SPTBN1: variants seen among roughly 807,000 people sequenced by gnomAD.
SPTBN1 encodes the protein spectrin beta chain, non-erythrocytic 1.
SPTBN1 carries 32 observed loss-of-function variants against 266.4 expected under a neutral mutation model. The ratio of observed to expected loss-of-function variants is 0.12; its 90% confidence interval spans 0.09 to 0.16. The LOEUF (loss-of-function observed/expected upper bound fraction) is 0.16. SPTBN1 is among the 10% of genes least tolerant of loss of function. The pLI, the probability that SPTBN1 is intolerant of heterozygous loss-of-function variation, is 1.00. For missense variants in SPTBN1, 2,296 were observed against 3,067.1 expected, an observed-to-expected ratio of 0.75 and a Z score of 5.94; for synonymous variants, 1,336 against 1,162.2, an observed-to-expected ratio of 1.15 and a Z score of -3.04.
At chr2:54,659,571 C>T (rs1252395664) in intron 31 of SPTBN1, among the ~76,000 whole-genome samples, 1 of 150,986 alleles carries the variant, frequency 6.6e-6, no homozygotes, top group Non-Finnish European at 1.5e-5. Flanking sequence ...AGTGAACTGC[C>T]CAGATTTTAG....
At position 54,670,904 on chromosome 2, in the gene SPTBN1, C is replaced by T. The variant is rs1187275535; in HGVS notation, c.*2335C>T. 4 of 397,902 alleles carry T rather than the reference C, an allele frequency of 1.0e-5. No homozygotes were observed. Among genetic ancestry groups the T allele is most frequent in the Admixed American group, 4.4e-5 (1 of 22,688 alleles). 24.6% of individuals were successfully genotyped at this position (397,902 alleles called of 1,614,324 possible). On this transcript the variant is annotated 3_prime_UTR_variant, in exon 36 of 36. Coordinates refer to ENST00000356805, the MANE Select transcript of SPTBN1 (RefSeq NM_003128.3). ...GTGTTCGCCATCAGAGGTTACAGGC[C>T]GCACAGCCTGATGAGCTTCAAGCCT... is the stretch of plus-strand genomic sequence containing the variant.
intron 1 of SPTBN1, among the ~76,000 whole-genome samples, chr2:54,473,275 A>G (rs1694016484): frequency 6.6e-6 from 1 of 152,210 alleles, no homozygotes; most frequent in Non-Finnish European, 1.5e-5. Flanking sequence ...TGTTTTTAGA[A>G]TATGTTAAAA....
chr2:54,513,969 ATTATAT>A (rs1409335244), intron 1 of SPTBN1, among the ~76,000 whole-genome samples: 1 of 152,230 alleles, frequency 6.6e-6, no homozygotes, highest in Non-Finnish European at 1.5e-5. Context: ...GACTTACAAA[ATTATAT>A]TTAGATTTTA....
Position 54,646,475 on chromosome 2 carries a change from G to A in SPTBN1, c.4866G>A (p.Lys1622=), listed in dbSNP as rs1679933167. 2 of 1,508,764 alleles carry A rather than the reference G, an allele frequency of 1.3e-6. No individual in the cohort carries two copies. Among genetic ancestry groups the A allele is most frequent in the Non-Finnish European group, 1.8e-6 (2 of 1,129,548 alleles). The allele number at this position is 1,508,764 out of a possible 1,614,324, so 93.5% of individuals were successfully genotyped here. A position where few individuals can be genotyped will look rare whatever the true frequency, so the allele number is the denominator to read the frequency against. ...ACATGATGTCAGAGGAGAAGGCCAA[G>A]GTGAGAGGAGGCGGGAAGCATCCCT... The part of the protein sequence containing the change: ...ELYMMSEEKA[K]DEQSAVSMLK... The change falls in exon 23 of 36, where the codon AAG becomes AAA. Residue 1622 remains lysine, a splice_region_variant and synonymous_variant. Transcript: ENST00000356805. This position sits in a 1 kb window ranked among gnomAD's most constrained non-coding sequence, Gnocchi z 4.4.
intron 1 of SPTBN1, among the ~76,000 whole-genome samples, chr2:54,467,630 C>T (rs961101635): frequency 6.6e-6 from 1 of 152,276 alleles, no homozygotes; most frequent in African/African-American, 2.4e-5. Context: ...AGTGATCCAC[C>T]CTCCTTGGCC....
chr2:54,603,136 G>A (rs1209553193), intron 3 of SPTBN1, among the ~76,000 whole-genome samples: 1 of 152,142 alleles, frequency 6.6e-6, no homozygotes, highest in Non-Finnish European at 1.5e-5. Flanking sequence ...TGAGCCCTCT[G>A]GACAGGATGT....
rs145012945 is a variant in SPTBN1, at chr2:54,465,357, A to G, written c.-48+8839A>G. Among the ~76,000 whole-genome samples the G allele has an allele frequency of 5.1e-3, 770 of 152,262 alleles. 6 individuals are homozygous for G. Among genetic ancestry groups the G allele is most frequent in the African/African-American group, 0.018 (735 of 41,548 alleles). On this transcript the variant is annotated intron_variant, in intron 1 of 35. Coordinates refer to ENST00000356805, the MANE Select transcript of SPTBN1 (RefSeq NM_003128.3). The stretch of plus-strand genomic sequence containing the variant: ...TGCATGTTCTCACTCGTGGAAACCT[A>G]AACACTGCTACTGGAGCTAGTTTGT...
intron 16 of SPTBN1, 31 bp downstream of exon 16, chr2:54,631,642 C>G (rs370226046): frequency 8.8e-6 from 14 of 1,588,186 alleles, no homozygotes; most frequent in Non-Finnish European, 1.2e-5. Context: ...TGCTTCCTTT[C>G]GGTGAAAGCA....
intron 1 of SPTBN1, chr2:54,516,030 A>G (rs1670093528): frequency 6.6e-6 from 1 of 152,126 alleles, no homozygotes; most frequent in African/African-American, 2.4e-5. Context: ...GCGTAATTAG[A>G]CTTTGATGCA....
chr2:54,592,004 C>CA (rs200015362), intron 2 of SPTBN1, among the ~76,000 whole-genome samples: 50 of 150,186 alleles, frequency 3.3e-4, no homozygotes, highest in South Asian at 1.1e-3. Context: ...CCTATTTCTA[C>CA]AAAAAAAAAT....
chr2:54,487,095 A>G (rs1668435164), intron 1 of SPTBN1, among the ~76,000 whole-genome samples: 1 of 151,788 alleles, frequency 6.6e-6, no homozygotes, highest in South Asian at 2.1e-4. Flanking sequence ...GGTATTAGGT[A>G]ATATACACAG....
chr2:54,592,092 A>C (rs948753855), intron 2 of SPTBN1, among the ~76,000 whole-genome samples: 1 of 152,208 alleles, frequency 6.6e-6, no homozygotes, highest in Non-Finnish European at 1.5e-5. Flanking sequence ...GCTTCAGCCC[A>C]GGAGTCCAAA....
Position 54,506,894 on chromosome 2 carries a change from C to CTCTTTTTTTTT in SPTBN1, c.-47-19477_-47-19476insCTTTTTTTTTT, listed in dbSNP as rs5831310. Among the ~76,000 whole-genome samples the CTCTTTTTTTTT allele has an allele frequency of 4.1e-3, 542 of 133,396 alleles. 24 individuals are homozygous for CTCTTTTTTTTT. The highest frequency in any genetic ancestry group is 0.014 in the African/African-American group (461 of 33,852). 87.5% of individuals were successfully genotyped at this position (133,396 alleles called of 152,430 possible). A position where few individuals can be genotyped will look rare whatever the true frequency, so the allele number is the denominator to read the frequency against. ...AGTTTAGGTTGATCTGGTTCTCTCT[C>CTCTTTTTTTTT]TTTTTTTTTTTTTTGAGCAACAAGA... On this transcript the variant is annotated intron_variant, in intron 1 of 35. Transcript: ENST00000356805.
intron 3 of SPTBN1, among the ~76,000 whole-genome samples, chr2:54,601,921 T>G (rs1282882029): frequency 6.6e-6 from 1 of 152,180 alleles, no homozygotes; most frequent in Non-Finnish European, 1.5e-5. Context: ...GAGTTAAATA[T>G]GAGCAAGTAT....
At chr2:54,490,613 C>T (rs551013162) in intron 1 of SPTBN1, among the ~76,000 whole-genome samples, 28 of 152,122 alleles carry the variant, frequency 1.8e-4, no homozygotes, top group African/African-American at 2.4e-5. Context: ...CCCTTAGTAG[C>T]GGACATGCTT....
At chr2:54,563,046 A>G (rs1188283875) in intron 2 of SPTBN1, among the ~76,000 whole-genome samples, 1 of 152,198 alleles carries the variant, frequency 6.6e-6, no homozygotes, top group Non-Finnish European at 1.5e-5. Flanking sequence ...GTGATAAGAT[A>G]GAGGCAAATA....
At chr2:54,561,075 CT>C (rs1673267837) in intron 2 of SPTBN1, among the ~76,000 whole-genome samples, 4 of 152,126 alleles carry the variant, frequency 2.6e-5, no homozygotes, top group African/African-American at 9.7e-5. Context: ...TTTTACTCTT[CT>C]GAGTATAATC....
chr2:54,502,570 A>G (rs1669331292), intron 1 of SPTBN1, among the ~76,000 whole-genome samples: 1 of 152,052 alleles, frequency 6.6e-6, no homozygotes, highest in Non-Finnish European at 1.5e-5. Flanking sequence ...CTCCCTGCCT[A>G]CTTTTCCTGC....
chr2:54,548,752 TTAGA>T (rs1672394067), intron 2 of SPTBN1, among the ~76,000 whole-genome samples: 1 of 152,142 alleles, frequency 6.6e-6, no homozygotes, highest in Admixed American at 6.5e-5. Flanking sequence ...ATGGGTTGGC[TTAGA>T]TAGAGGAATT....
Sources: allele counts gnomAD v4.1 joint callset (sites outside exome capture counted in the v4.1 genomes callset), GRCh38; gene constraint gnomAD v4.1.1; non-coding constraint Gnocchi (gnomAD v3.1); transcripts MANE v1.5; gene names NCBI Gene and HGNC (gene_info 2026-07-23, HGNC 2026-07-21).